The following ART3 variants were observed in gnomAD, a reference collection of about 807,000 sequenced individuals.
ART3 encodes ecto-ADP-ribosyltransferase 3.
A neutral mutation model predicts 48.5 loss-of-function variants in ART3; 49 were observed. The observed-to-expected ratio is 1.01, with a 90% CI of 0.80 to 1.28. The LOEUF is 1.28. Ranked by LOEUF, ART3 falls within the 50% of genes most tolerant of loss-of-function variation. The pLI, the probability that ART3 is intolerant of heterozygous loss-of-function variation, is 0.00. For synonymous variants in ART3, 145 were observed against 157.2 expected (o/e 0.92, Z 0.58); for missense variants, 438 against 454.3 (o/e 0.96, Z 0.33).
chr4:76,112,238 T>G, intron 11 of ART3, 148 bp from the exon 12 acceptor site: 1 of 987,088 alleles, frequency 1.0e-6, no homozygotes, highest in African/African-American at 1.7e-5. Context: ...TTACACTTAT[T>G]TGAAAATTGC....
intron 10 of ART3, among the ~76,000 whole-genome samples, chr4:76,106,654 A>G (rs1231679887): frequency 2.6e-5 from 4 of 152,134 alleles, no homozygotes; most frequent in African/African-American, 9.7e-5. Context: ...CCTGAAGAGA[A>G]AGGAATGTGC....
chr4:76,085,923 T>C (rs1254864285), intron 3 of ART3, among the ~76,000 whole-genome samples: 2 of 151,888 alleles, frequency 1.3e-5, no homozygotes, highest in Non-Finnish European at 2.9e-5. Flanking sequence ...AATACAAAAA[T>C]TAGCCAGGCG....
upstream of ART3, among the ~76,000 whole-genome samples, chr4:76,071,478 G>A (rs989688757): frequency 6.6e-6 from 1 of 152,046 alleles, no homozygotes; most frequent in African/African-American, 2.4e-5. Context: ...CTCCTTGAAA[G>A]AGTTGAAGAT....
intron 3 of ART3, among the ~76,000 whole-genome samples, chr4:76,085,622 T>TC (rs112343909): frequency 4.6e-5 from 7 of 151,998 alleles, no homozygotes; most frequent in African/African-American, 1.7e-4. Context: ...AAAGTGTTTA[T>TC]AAAAAGATAG....
chr4:76,108,941 T>C (rs1728974904), intron 11 of ART3, among the ~76,000 whole-genome samples: 1 of 152,160 alleles, frequency 6.6e-6, no homozygotes, highest in Admixed American at 6.5e-5. Context: ...TATAGGGCAC[T>C]TAACATGAAT....
intron 11 of ART3, 78 bp downstream of exon 11, chr4:76,107,871 C>T: frequency 8.3e-7 from 1 of 1,204,952 alleles, no homozygotes; most frequent in Non-Finnish European, 1.2e-6. Context: ...TATTTTTCCT[C>T]AATAAAGGGA....
Position 76,100,254 on chromosome 4 carries a change from A to G in ART3, c.848-37A>G, listed in dbSNP as rs755493134. ...TAGTAACTGCCAGTTCTTTTGTTCC[A>G]TTGTTAAAACTGATGAACTTCTTTT... On this transcript the variant is annotated intron_variant, in intron 5 of 11. Coordinates refer to ENST00000355810, the MANE Select transcript of ART3 (RefSeq NM_001130016.3). 5 of 1,602,700 alleles carry G rather than the reference A, an allele frequency of 3.1e-6. No homozygotes were observed. In the African/African-American group the frequency reaches 4.0e-5, roughly 13 times the overall value.
At chr4:76,079,067 C>T (rs965810953) in intron 2 of ART3, among the ~76,000 whole-genome samples, 13 of 150,710 alleles carry the variant, frequency 8.6e-5, no homozygotes, top group East Asian at 2.0e-4. Flanking sequence ...GGCGGCAGAG[C>T]GAGACTCCGT....
chr4:76,050,181 G>A (rs1735918419), intron 1 of ART3, among the ~76,000 whole-genome samples: 1 of 152,112 alleles, frequency 6.6e-6, no homozygotes, highest in Non-Finnish European at 1.5e-5. Flanking sequence ...CTTCCACAGT[G>A]TGGAAGGGGA....
chr4:76,080,073 A>G (rs1722124151), intron 2 of ART3, among the ~76,000 whole-genome samples: 1 of 152,162 alleles, frequency 6.6e-6, no homozygotes, highest in Non-Finnish European at 1.5e-5. Flanking sequence ...TTATGCAACT[A>G]TGCACCATAC....
At chr4:76,105,543 A>G in intron 10 of ART3, 2 of 1,289,170 alleles carry the variant, frequency 1.6e-6, no homozygotes, top group Non-Finnish European at 2.0e-6. Flanking sequence ...ATACAACTGA[A>G]TGAAAAACCT....
At chr4:76,035,907 A>G in intron 1 of ART3, 1 of 1,607,752 alleles carries the variant, frequency 6.2e-7, no homozygotes, top group East Asian at 2.2e-5. Flanking sequence ...ATAGGTTGAG[A>G]AATAAAAATT....
intron 4 of ART3, among the ~76,000 whole-genome samples, chr4:76,098,628 A>G (rs781530656): frequency 5.2e-4 from 79 of 152,126 alleles, no homozygotes; most frequent in African/African-American, 1.8e-3. Context: ...GTGTGGTGGC[A>G]GGCGCCTGTA....
At chr4:76,079,539 T>C (rs1048324702) in intron 2 of ART3, among the ~76,000 whole-genome samples, 6 of 152,164 alleles carry the variant, frequency 3.9e-5, no homozygotes, top group Non-Finnish European at 7.4e-5. Flanking sequence ...ACTGTAAGCA[T>C]GTATATAACT....
chr4:76,057,213 G>C (rs6532161), intron 1 of ART3, among the ~76,000 whole-genome samples: 89,122 of 151,956 alleles, frequency 0.59, 26,988 homozygotes, highest in East Asian at 0.94. Flanking sequence ...TTATATTTGC[G>C]ATCTACTAGG....
At chr4:76,071,355 G>T (rs1006112088), upstream of ART3, among the ~76,000 whole-genome samples, 4 of 145,368 alleles carry the variant, frequency 2.8e-5, no homozygotes, top group Admixed American at 2.0e-4. Flanking sequence ...GTGACAGAGC[G>T]AGACTCCATC....
chr4:76,040,881 T>A (rs890435010), intron 1 of ART3, among the ~76,000 whole-genome samples: 1 of 152,188 alleles, frequency 6.6e-6, no homozygotes, highest in Non-Finnish European at 1.5e-5. Flanking sequence ...TAAGCCTAAT[T>A]AGGCTTTAGC....
chr4:76,014,167 A>G (rs1045526543), intron 1 of ART3, among the ~76,000 whole-genome samples: 2 of 152,146 alleles, frequency 1.3e-5, no homozygotes, highest in African/African-American at 2.4e-5. Context: ...GTATTTAGAG[A>G]TAGGGTTTTC....
chr4:76,100,884 G>A (rs1398767514), intron 7 of ART3, 60 bp downstream of exon 7: 1 of 1,601,534 alleles, frequency 6.2e-7, no homozygotes, highest in Non-Finnish European at 8.5e-7. Flanking sequence ...CCCTTTACAG[G>A]TGGGAATATT....
Sources: gnomAD v4.1 joint callset for allele counts (sites outside exome capture counted in the v4.1 genomes callset) on GRCh38, gnomAD v4.1.1 for gene constraint, MANE v1.5 for transcripts, NCBI Gene and HGNC (gene_info 2026-07-23, HGNC 2026-07-21) for gene names.